The following STARD8 variants were observed in gnomAD, a reference collection of about 807,000 sequenced individuals.
STARD8 encodes stAR-related lipid transfer protein 8.
Under a neutral mutation model 69.4 loss-of-function variants are expected in STARD8, and 25 were observed. The observed-to-expected ratio is 0.36, with a 90% CI of 0.26 to 0.50. STARD8 has a LOEUF of 0.50. Ranked by LOEUF, STARD8 falls within the 20% of genes least tolerant of loss-of-function variation. STARD8 has a pLI of 0.96. For synonymous variants in STARD8, 389 were observed against 374.6 expected (o/e 1.04, Z -0.45); for missense variants, 921 against 932.5 (o/e 0.99, Z 0.16).
chrX:68,669,327 G>A (rs1449282670), intron 2 of STARD8, among the ~76,000 whole-genome samples: 1 of 111,774 alleles, frequency 8.9e-6, no homozygotes, highest in Non-Finnish European at 1.9e-5. Context: ...TGGGCCTCTC[G>A]CTTTCCCTCT....
chrX:68,684,607 C>T (rs1339732436), intron 2 of STARD8, among the ~76,000 whole-genome samples: 3 of 112,490 alleles, frequency 2.7e-5, no homozygotes, highest in South Asian at 3.6e-4. Flanking sequence ...AGGGACTACT[C>T]GAAACTCAGG....
At position 68,661,958 on chromosome X, in the gene STARD8, C is replaced by T. The variant is rs1201901713; in HGVS notation, c.46-3541C>T. Among the ~76,000 whole-genome samples, 3 of 75,664 alleles carry T rather than the reference C, an allele frequency of 4.0e-5. No individual in the cohort carries two copies. In the East Asian group the frequency reaches 1.1e-3, roughly 28 times the overall value. 65.7% of individuals were successfully genotyped at this position (75,664 alleles called of 115,157 possible). ...CCCTCCCTCCTTCCTCTCTCTCTCT[C>T]TCTCTCTCTCTCTCTTTCTTTCTTT... On this transcript the variant is annotated intron_variant, in intron 1 of 14. Transcript: ENST00000374599.
rs149566190 is a variant in STARD8 at position 68,667,508 on chromosome X, T to C, written c.79+1976T>C. On this transcript the variant is annotated intron_variant, in intron 2 of 14. Transcript: ENST00000374599. The stretch of plus-strand genomic sequence containing the variant: ...GTTTTATTACGTATTATTTGAGAAA[T>C]AGGTAATACCTTCACAGGTTTCAAA... Among the ~76,000 whole-genome samples, 573 of 112,082 alleles carry C rather than the reference T, an allele frequency of 5.1e-3. 2 individuals are homozygous for C. The highest frequency in any genetic ancestry group is 7.0e-3 in the Non-Finnish European group (375 of 53,225).
At position 68,723,794 on chromosome X, in the gene STARD8, G is replaced by A. The variant is rs1309055246; in HGVS notation, c.2968G>A (p.Val990Ile). Reference protein sequence around the residue: ...LMPGVELYHYVTDSMAPHPCR... With the variant: ...LMPGVELYHYITDSMAPHPCR... ...GCCGGGTGTGGAGCTGTACCACTATGTCACCGACAGCATGGCACCCCATCC... is the reference window on the plus strand; with the variant it reads ...GCCGGGTGTGGAGCTGTACCACTATATCACCGACAGCATGGCACCCCATCC... Residue 990 changes from valine (V) to isoleucine (I), a missense_variant, in exon 13 of 15, where the codon GTC (valine) becomes ATC (isoleucine). Val to Ile is a conservative substitution (Grantham distance 29). Transcript: ENST00000374599. 2.5e-6 allele frequency: 3 copies of A among 1,181,044 alleles called. No individual in the cohort carries two copies. Among genetic ancestry groups the A allele is most frequent in the Non-Finnish European group, 3.4e-6 (3 of 880,040 alleles).
chrX:68,712,588 C>T (rs1016539356), intron 2 of STARD8, among the ~76,000 whole-genome samples: 1 of 112,166 alleles, frequency 8.9e-6, no homozygotes, highest in Non-Finnish European at 1.9e-5. Context: ...GCTTCTTATC[C>T]CAGCAGGCCT....
At position 68,667,840 on chromosome X, in the gene STARD8, TAAC is replaced by T. The variant is rs56195575; in HGVS notation, c.79+2311_79+2313del. Reference sequence around the variant, plus strand: ...GACTGTGCCACTCGTGGTGGAATGATAACAAGTAAGAGGCTTCCCCTCTCCGAA... The same window carrying T: ...GACTGTGCCACTCGTGGTGGAATGATAAGTAAGAGGCTTCCCCTCTCCGAA... On this transcript the variant is annotated intron_variant, in intron 2 of 14. Transcript: ENST00000374599. Among the ~76,000 whole-genome samples the T allele has an allele frequency of 7.7e-3, 857 of 110,904 alleles. 6 individuals carry two copies. The highest frequency in any genetic ancestry group is 0.012 in the Non-Finnish European group (643 of 52,917).
chrX:68,674,159 T>C (rs2079748387), intron 2 of STARD8, among the ~76,000 whole-genome samples: 1 of 109,807 alleles, frequency 9.1e-6, no homozygotes, highest in South Asian at 3.9e-4. Context: ...CTAAGTGTGG[T>C]GGTGGGTGCC....
At chrX:68,691,125 G>A (rs980632868) in intron 2 of STARD8, among the ~76,000 whole-genome samples, 6 of 110,179 alleles carry the variant, frequency 5.4e-5, no homozygotes, top group African/African-American at 1.3e-4. Flanking sequence ...ACACACACAC[G>A]CACACACACA....
At chrX:68,718,726 C>A in intron 6 of STARD8, 97 bp downstream of exon 6, 1 of 1,097,482 alleles carries the variant, frequency 9.1e-7, no homozygotes. Flanking sequence ...GGGCTAAGTG[C>A]TTGGCGGCTG....
chrX:68,701,228 G>C (rs775416348), intron 2 of STARD8, among the ~76,000 whole-genome samples: 8 of 112,692 alleles, frequency 7.1e-5, no homozygotes, highest in African/African-American at 2.3e-4. Context: ...CTAAATTCTT[G>C]GCAAATTTTA....
intron 2 of STARD8, among the ~76,000 whole-genome samples, chrX:68,697,431 C>T (rs1344558165): frequency 1.8e-5 from 2 of 112,012 alleles, no homozygotes; most frequent in Admixed American, 9.4e-5. Flanking sequence ...AGGCTTCTTG[C>T]GGAGACTTCC....
Position 68,712,829 on chromosome X carries a change from T to C in STARD8, c.80-85T>C. 6.9e-6 allele frequency: 6 copies of C among 875,534 alleles called. No homozygotes were observed. In the South Asian group the frequency reaches 1.4e-4, roughly 20 times the overall value. 72.2% of individuals were successfully genotyped at this position (875,534 alleles called of 1,213,427 possible). A position where few individuals can be genotyped will look rare whatever the true frequency, so the allele number is the denominator to read the frequency against. The stretch of plus-strand genomic sequence containing the variant: ...AATGAGACATGTCTGCCTGCTGGGG[T>C]TGGGCAGCATGCACCTAGGGCCCTG... On this transcript the variant is annotated intron_variant, in intron 2 of 14. Coordinates refer to ENST00000374599, the MANE Select transcript of STARD8 (RefSeq NM_001142503.3).
intron 2 of STARD8, among the ~76,000 whole-genome samples, chrX:68,684,152 T>C (rs988962021): frequency 8.9e-6 from 1 of 112,844 alleles, no homozygotes; most frequent in Non-Finnish European, 1.9e-5. Context: ...TGTCATATTA[T>C]GTCCATTATC....
At chrX:68,723,193 T>A (rs190855990) in intron 12 of STARD8, among the ~76,000 whole-genome samples, 80 of 112,606 alleles carry the variant, frequency 7.1e-4, no homozygotes, top group Admixed American at 1.8e-3. Flanking sequence ...AAAAAAATGG[T>A]CATAACAAAA....
At chrX:68,673,671 G>T (rs1224642673) in intron 2 of STARD8, among the ~76,000 whole-genome samples, 1 of 112,159 alleles carries the variant, frequency 8.9e-6, no homozygotes, top group African/African-American at 3.2e-5. Context: ...TCATTTTGGG[G>T]TGCCAAAGAA....
chrX:68,689,349 T>A (rs772348415), intron 2 of STARD8, among the ~76,000 whole-genome samples: 2 of 110,647 alleles, frequency 1.8e-5, no homozygotes, highest in African/African-American at 6.6e-5. Flanking sequence ...CCCTTTGAGA[T>A]GGGCCAGTAA....
At chrX:68,724,164 C>A in intron 14 of STARD8, 43 bp downstream of exon 14, 1 of 1,190,742 alleles carries the variant, frequency 8.4e-7, no homozygotes, top group Non-Finnish European at 1.1e-6. Flanking sequence ...TTGGCCTTGA[C>A]CCCCTCCCCT....
In STARD8 at chrX:68,719,213, GC is replaced by G. The variant is rs770752055; in HGVS notation, c.1716-6del. On this transcript the variant is annotated splice_polypyrimidine_tract_variant and intron_variant, in intron 6 of 14. Coordinates refer to ENST00000374599, the MANE Select transcript of STARD8 (RefSeq NM_001142503.3). ...TCTGGGCTTCTCCACCCCTCTCACC[GC>G]CCCCCACCAGGAAGCTCCGTTGGCA... The G allele has an allele frequency of 3.4e-6, 4 of 1,164,883 alleles. No individual in the cohort carries two copies. The highest frequency in any genetic ancestry group is 2.0e-5 in the South Asian group (1 of 48,876).
chrX:68,705,535 C>T (rs1199812890), intron 2 of STARD8, among the ~76,000 whole-genome samples: 1 of 112,751 alleles, frequency 8.9e-6, no homozygotes, highest in Non-Finnish European at 1.9e-5. Flanking sequence ...GCAAGGTGTC[C>T]ACGGTGTGCA....
Sources: allele counts gnomAD v4.1 joint callset (sites outside exome capture counted in the v4.1 genomes callset), GRCh38; gene constraint gnomAD v4.1.1; transcripts MANE v1.5; gene names NCBI Gene and HGNC (gene_info 2026-07-23, HGNC 2026-07-21).